RAB2A: variants seen among roughly 807,000 people sequenced by gnomAD.
RAB2A encodes the protein ras-related protein Rab-2A.
Under a neutral mutation model 32.5 loss-of-function variants are expected in RAB2A, and 7 were observed. That is an observed-to-expected ratio of 0.22 (90% confidence interval 0.12 to 0.40). RAB2A has a LOEUF of 0.40. Ranked by LOEUF, RAB2A falls within the 10% of genes least tolerant of loss-of-function variation. The pLI, the probability that RAB2A is intolerant of heterozygous loss-of-function variation, is 1.00. For missense variants in RAB2A, 108 were observed against 260.7 expected (o/e 0.41, Z 4.03); for synonymous variants, 79 against 85.2 (o/e 0.93, Z 0.40).
At chr8:60,565,315 A>G (rs887007543) in intron 2 of RAB2A, among the ~76,000 whole-genome samples, 1 of 151,670 alleles carries the variant, frequency 6.6e-6, no homozygotes, top group Non-Finnish European at 1.5e-5. Flanking sequence ...GCTACTTGGT[A>G]GACTGAGGCG....
intron 3 of RAB2A, among the ~76,000 whole-genome samples, chr8:60,580,296 A>G (rs1205804515): frequency 6.6e-6 from 1 of 152,188 alleles, no homozygotes; most frequent in Admixed American, 6.5e-5. Context: ...CGACCAGCCT[A>G]AAGTGCTTTT....
At chr8:60,547,147 C>A (rs1807742670) in intron 1 of RAB2A, among the ~76,000 whole-genome samples, 1 of 151,670 alleles carries the variant, frequency 6.6e-6, no homozygotes, top group African/African-American at 2.4e-5. Context: ...GCACATCTTG[C>A]ACCGCCCTTA....
intron 1 of RAB2A, among the ~76,000 whole-genome samples, chr8:60,526,698 G>A (rs1338840396): frequency 6.6e-6 from 1 of 152,212 alleles, no homozygotes; most frequent in Non-Finnish European, 1.5e-5. Context: ...GGCCAGGCAT[G>A]ATGGTTCACG....
chr8:60,587,888 T>C (rs1803875520), intron 5 of RAB2A, among the ~76,000 whole-genome samples: 1 of 152,204 alleles, frequency 6.6e-6, no homozygotes, highest in Non-Finnish European at 1.5e-5. Context: ...AGAATGCTTA[T>C]AATTCATTAA....
intron 6 of RAB2A, among the ~76,000 whole-genome samples, chr8:60,605,963 A>G (rs943533843): frequency 1.3e-5 from 2 of 151,918 alleles, no homozygotes; most frequent in African/African-American, 4.8e-5. Context: ...AGCTTGACCA[A>G]TATGGTGAAA....
At chr8:60,603,485 T>G (rs1804172996) in intron 6 of RAB2A, among the ~76,000 whole-genome samples, 1 of 152,224 alleles carries the variant, frequency 6.6e-6, no homozygotes, top group South Asian at 2.1e-4. Context: ...ATCAGCTTTA[T>G]GATTTCATCC....
At chr8:60,526,044 T>TAC (rs1343559249) in intron 1 of RAB2A, among the ~76,000 whole-genome samples, 1 of 128,290 alleles carries the variant, frequency 7.8e-6, no homozygotes, top group East Asian at 2.4e-4. Context: ...TATATATATA[T>TAC]ATATATATAT....
intron 1 of RAB2A, among the ~76,000 whole-genome samples, chr8:60,520,596 GT>G (rs1807286324): frequency 6.6e-6 from 1 of 152,060 alleles, no homozygotes; most frequent in Non-Finnish European, 1.5e-5. Context: ...ATCAAAAAAA[GT>G]TATGTCAAAA....
At chr8:60,551,755 T>C (rs1038229219) in intron 1 of RAB2A, among the ~76,000 whole-genome samples, 7 of 152,070 alleles carry the variant, frequency 4.6e-5, no homozygotes, top group African/African-American at 1.7e-4. Flanking sequence ...ATACAATGGC[T>C]CAGTCATAGC....
chr8:60,549,003 G>C (rs550915948), intron 1 of RAB2A, among the ~76,000 whole-genome samples: 1 of 151,514 alleles, frequency 6.6e-6, no homozygotes, highest in Admixed American at 6.6e-5. Flanking sequence ...TCCCGGACGG[G>C]GCGGCAGGGC....
intron 2 of RAB2A, among the ~76,000 whole-genome samples, chr8:60,563,096 C>G (rs1431984248): frequency 6.6e-6 from 1 of 151,918 alleles, no homozygotes; most frequent in Non-Finnish European, 1.5e-5. Flanking sequence ...AAGACAGTAT[C>G]TTGACTCTGC....
intron 6 of RAB2A, among the ~76,000 whole-genome samples, chr8:60,610,321 A>G (rs1419608958): frequency 6.6e-6 from 1 of 152,176 alleles, no homozygotes; most frequent in East Asian, 1.9e-4. Flanking sequence ...AACTAGGAAG[A>G]CTACCAGTTT....
At chr8:60,590,153 G>T (rs565978278) in intron 5 of RAB2A, among the ~76,000 whole-genome samples, 1 of 152,076 alleles carries the variant, frequency 6.6e-6, no homozygotes, top group South Asian at 2.1e-4. Flanking sequence ...TAGAGACGGG[G>T]TTTCACCATG....
chr8:60,560,746 T>C (rs1316498999), intron 2 of RAB2A, among the ~76,000 whole-genome samples: 14 of 127,728 alleles, frequency 1.1e-4, no homozygotes, highest in Non-Finnish European at 1.7e-5. Context: ...TTTTTGTTTT[T>C]TGTTTTTTTT....
intron 3 of RAB2A, among the ~76,000 whole-genome samples, chr8:60,581,812 A>T (rs1803760447): frequency 1.3e-5 from 2 of 152,160 alleles, no homozygotes; most frequent in Non-Finnish European, 1.5e-5. Context: ...GTTTGAGACC[A>T]CCCTGGGCAA....
intron 1 of RAB2A, among the ~76,000 whole-genome samples, chr8:60,546,912 T>C (rs1586073658): frequency 6.9e-6 from 1 of 145,928 alleles, no homozygotes; most frequent in East Asian, 2.0e-4. Context: ...TTTTTTTTTT[T>C]TTTATTGATC....
chr8:60,584,971 G>A (rs2130849423), intron 5 of RAB2A, among the ~76,000 whole-genome samples, 156 bp downstream of exon 5: 1 of 152,268 alleles, frequency 6.6e-6, no homozygotes, highest in East Asian at 1.9e-4. Context: ...TTTTTAAAAT[G>A]ATGTTAATAA....
chr8:60,612,036 G>A (rs963753057), intron 6 of RAB2A, among the ~76,000 whole-genome samples: 3 of 152,052 alleles, frequency 2.0e-5, no homozygotes, highest in African/African-American at 7.3e-5. Context: ...AGGTATACAT[G>A]TGCCATAGTG....
At chr8:60,542,519 AAAAG>A (rs1296590724) in intron 1 of RAB2A, among the ~76,000 whole-genome samples, 7 of 152,066 alleles carry the variant, frequency 4.6e-5, no homozygotes, top group South Asian at 2.1e-4. Context: ...CGTCAAAAAA[AAAAG>A]AAAGAACACT....
Sources: allele counts gnomAD v4.1 joint callset (sites outside exome capture counted in the v4.1 genomes callset), GRCh38; gene constraint gnomAD v4.1.1; transcripts MANE v1.5; gene names NCBI Gene and HGNC (gene_info 2026-07-23, HGNC 2026-07-21).